The following PPIG variants were observed in gnomAD, a reference collection of about 807,000 sequenced individuals.
The protein encoded by PPIG is peptidyl-prolyl cis-trans isomerase G.
PPIG carries 26 observed loss-of-function variants against 87.9 expected under a neutral mutation model. That is an observed-to-expected ratio of 0.30 (90% CI 0.22 to 0.41). PPIG has a LOEUF of 0.41. Ranked by LOEUF, PPIG falls within the 10% of genes least tolerant of loss-of-function variation. The pLI is 1.00. For missense variants in PPIG, 722 were observed against 879.4 expected (o/e 0.82, Z 2.26); for synonymous variants, 308 against 276.5 (o/e 1.11, Z -1.13).
rs1281249108 is a variant in PPIG, at chr2:169,637,150, C to G, written c.1892C>G (p.Ser631Ter). ...AGAAGGAGGAGAGACTCACGGAGCT[C>G]AGAGAGAGAAGAAAGTCAAAGCAGA... ...RRRRRRDSRSSEREESQSRNK... is the reference protein window; with the variant it reads ...RRRRRRDSRS The change falls in exon 14 of 14, where the codon TCA (serine) becomes TGA (stop). Residue 631 changes from serine (S) to a stop codon, truncating the protein, a stop_gained. Coordinates refer to ENST00000260970, the MANE Select transcript of PPIG (RefSeq NM_004792.3). LOFTEE classifies it high-confidence loss of function. 4.3e-6 allele frequency: 7 copies of G among 1,612,378 alleles called. No homozygotes were observed. The highest frequency in any genetic ancestry group is 2.2e-5 in the South Asian group (2 of 90,902).
At chr2:169,618,913 CTGCTAGCTTT>C (rs925282424) in intron 9 of PPIG, among the ~76,000 whole-genome samples, 5 of 151,376 alleles carry the variant, frequency 3.3e-5, no homozygotes, top group Admixed American at 3.3e-4. Flanking sequence ...CTGCTAGCTT[CTGCTAGCTTT>C]TGAAATTTGT....
chr2:169,636,500 G>GTCT lies in PPIG; in HGVS notation c.1242_1243insTCT (p.Ser415dup). ...TAACAGATCACAGGAATGTATCTGA[G>GTCT]AGTCCAAACAGAAAAAATGAAAAGG... On this transcript the variant is annotated inframe_insertion, in exon 14 of 14. Coordinates refer to ENST00000260970, the MANE Select transcript of PPIG (RefSeq NM_004792.3). 1.2e-6 allele frequency: 2 copies of GTCT among 1,607,820 alleles called. No individual in the cohort carries two copies. The highest frequency in any genetic ancestry group is 1.7e-6 in the Non-Finnish European group (2 of 1,178,050).
chr2:169,590,800 A>G (rs1032327884), intron 1 of PPIG, among the ~76,000 whole-genome samples: 1 of 152,116 alleles, frequency 6.6e-6, no homozygotes, highest in African/African-American at 2.4e-5. Context: ...TGGCATCTTA[A>G]TCGTTAAAAA....
chr2:169,592,387 C>T (rs1322996682), intron 1 of PPIG, among the ~76,000 whole-genome samples: 1 of 141,556 alleles, frequency 7.1e-6, no homozygotes, highest in African/African-American at 2.6e-5. Context: ...TCACTGCAAG[C>T]TCCGCCTCCC....
intron 1 of PPIG, among the ~76,000 whole-genome samples, chr2:169,589,829 C>G (rs1277953251): frequency 2.6e-5 from 4 of 152,136 alleles, no homozygotes; most frequent in African/African-American, 7.2e-5. Flanking sequence ...AGCTAGCAGT[C>G]CGGGTGCAGT....
chr2:169,620,965 C>T (rs1420200314), intron 9 of PPIG, among the ~76,000 whole-genome samples: 1 of 152,030 alleles, frequency 6.6e-6, no homozygotes, highest in Non-Finnish European at 1.5e-5. Context: ...ATCTGTAATG[C>T]TTTCTGATTC....
chr2:169,619,335 A>G (rs1233604995), intron 9 of PPIG, among the ~76,000 whole-genome samples: 1 of 152,178 alleles, frequency 6.6e-6, no homozygotes, highest in Non-Finnish European at 1.5e-5. Flanking sequence ...GCTGAGAAGA[A>G]TGTATATTCT....
At chr2:169,600,571 A>C (rs1411891349) in intron 1 of PPIG, among the ~76,000 whole-genome samples, 3 of 152,224 alleles carry the variant, frequency 2.0e-5, no homozygotes, top group Non-Finnish European at 4.4e-5. Flanking sequence ...TTTGGCACTC[A>C]GAAAATTTCA....
chr2:169,614,716 A>G lies in PPIG; in HGVS notation c.539A>G (p.Lys180Arg). 1 of 1,599,550 alleles carries G rather than the reference A, an allele frequency of 6.3e-7. No individual in the cohort carries two copies. Among genetic ancestry groups the G allele is most frequent in the Non-Finnish European group, 8.5e-7 (1 of 1,176,932 alleles). The change falls in exon 9 of 14, where the codon AAA (lysine) becomes AGA (arginine). Residue 180 changes from lysine (K) to arginine (R), a missense_variant. Physicochemically the swap from Lys to Arg is conservative, Grantham distance 26. Transcript: ENST00000260970. Reference sequence around the variant, plus strand: ...CTCAGTTGTGGAGAGCTGATTCCCAAATCTAAAGGTAAAAAGGAAGTACAT... The same window carrying G: ...CTCAGTTGTGGAGAGCTGATTCCCAGATCTAAAGGTAAAAAGGAAGTACAT... ...RILSCGELIPKSKVKKEEKKR... is the reference protein window; with the variant it reads ...RILSCGELIPRSKVKKEEKKR...
At chr2:169,606,749 T>G (rs1685341058) in intron 5 of PPIG, among the ~76,000 whole-genome samples, 1 of 152,106 alleles carries the variant, frequency 6.6e-6, no homozygotes, top group Non-Finnish European at 1.5e-5. Flanking sequence ...TAATCCTTAC[T>G]ACAATAAAAA....
At chr2:169,621,736 T>C (rs1685758194) in intron 9 of PPIG, among the ~76,000 whole-genome samples, 1 of 147,898 alleles carries the variant, frequency 6.8e-6, no homozygotes, top group African/African-American at 2.5e-5. Context: ...GACAACTAAT[T>C]TTTTTTTTTT....
rs1178143980 is a variant in PPIG at position 169,614,585 on chromosome 2, G to A, written c.408G>A (p.Gly136=). The A allele has an allele frequency of 2.6e-5, 41 of 1,599,520 alleles. No individual in the cohort carries two copies. In the East Asian group the frequency reaches 8.7e-4, roughly 34 times the overall value. Reference sequence around the variant, plus strand: ...AATAATTTTTTACTTGACACTTTAGGCATCATGTTGTTTTTGGACAAGTAA... The same window carrying A: ...AATAATTTTTTACTTGACACTTTAGACATCATGTTGTTTTTGGACAAGTAA... The part of the protein sequence containing the change: ...ITTKPTPHLD[G]HHVVFGQVIS... Residue 136 remains glycine, a splice_region_variant and synonymous_variant, in exon 9 of 14, where the codon GGG becomes GGA. Transcript: ENST00000260970.
At chr2:169,605,520 G>C (rs1227887415) in intron 4 of PPIG, among the ~76,000 whole-genome samples, 1 of 151,718 alleles carries the variant, frequency 6.6e-6, no homozygotes, top group African/African-American at 2.4e-5. Context: ...AAAAATAGAG[G>C]CCAAGTGTGG....
At chr2:169,614,053 T>G (rs1685554532) in intron 7 of PPIG, among the ~76,000 whole-genome samples, 2 of 152,260 alleles carry the variant, frequency 1.3e-5, no homozygotes, top group Admixed American at 1.3e-4. Flanking sequence ...AATGTTAAGA[T>G]TGAAAAGCAT....
intron 1 of PPIG, among the ~76,000 whole-genome samples, chr2:169,587,885 G>A (rs1374236427): frequency 6.6e-6 from 1 of 152,170 alleles, no homozygotes; most frequent in Non-Finnish European, 1.5e-5. Flanking sequence ...GCCGGGGGTG[G>A]TGGCTCACAC....
intron 9 of PPIG, among the ~76,000 whole-genome samples, chr2:169,621,165 G>C (rs1685736934): frequency 6.6e-6 from 1 of 151,920 alleles, no homozygotes; most frequent in African/African-American, 2.4e-5. Context: ...GCCCTAAGTA[G>C]ATGATTCTCA....
chr2:169,605,792 C>G (rs1685309421), intron 4 of PPIG, among the ~76,000 whole-genome samples: 1 of 151,908 alleles, frequency 6.6e-6, no homozygotes, highest in Non-Finnish European at 1.5e-5. Context: ...GAGCTAGACT[C>G]TGTCTCAAAA....
chr2:169,589,378 T>C (rs1380359627), intron 1 of PPIG, among the ~76,000 whole-genome samples: 1 of 152,202 alleles, frequency 6.6e-6, no homozygotes. Flanking sequence ...TTTGTAAATA[T>C]ACTCAAATGT....
At chr2:169,586,662 GGGAAAGT>G (rs1369150192) in intron 1 of PPIG, among the ~76,000 whole-genome samples, 9 of 152,126 alleles carry the variant, frequency 5.9e-5, no homozygotes, top group Non-Finnish European at 1.3e-4. Flanking sequence ...TTTATACAAA[GGGAAAGT>G]GGAAGCCATT....
Sources: allele counts gnomAD v4.1 joint callset (sites outside exome capture counted in the v4.1 genomes callset), GRCh38; gene constraint gnomAD v4.1.1; transcripts MANE v1.5; gene names NCBI Gene and HGNC (gene_info 2026-07-23, HGNC 2026-07-21).